FCRLA: variants seen among roughly 807,000 people sequenced by gnomAD.
FCRLA encodes Fc receptor-like A.
FCRLA carries 26 observed loss-of-function variants against 28.4 expected under a neutral mutation model. The ratio of observed to expected loss-of-function variants is 0.91; its 90% confidence interval spans 0.67 to 1.27. The LOEUF (loss-of-function observed/expected upper bound fraction) is 1.27, where lower values mean the gene tolerates loss of function less well. Among genes scored for constraint, FCRLA ranks in the 50% most tolerant of loss-of-function variants. The pLI is 0.00. For synonymous variants in FCRLA, 174 were observed against 168.5 expected (o/e 1.03, Z -0.25); for missense variants, 422 against 433.1 (o/e 0.97, Z 0.23).
At chr1:161,707,882 C>A (rs1682899089) in intron 1 of FCRLA, among the ~76,000 whole-genome samples, 1 of 152,186 alleles carries the variant, frequency 6.6e-6, no homozygotes, top group Admixed American at 6.5e-5. Flanking sequence ...TTCTCTTGAT[C>A]CCTTAATAGC....
Position 161,709,529 on chromosome 1 carries a change from C to T in FCRLA, c.80-1231C>T, listed in dbSNP as rs187571396. 1.1e-4 allele frequency among the ~76,000 whole-genome samples: 16 copies of T among 151,948 alleles called. 1 individual carries two copies. In the South Asian group the frequency reaches 1.5e-3, roughly 14 times the overall value. On this transcript the variant is annotated intron_variant, in intron 1 of 4. Coordinates refer to ENST00000236938, the MANE Select transcript of FCRLA (RefSeq NM_032738.4). ...AGAGGTAGCATTACAGTGAAGGGAG[C>T]GGAGAAAGGATGGAAAGAAAACACC...
At chr1:161,711,621 G>T in intron 3 of FCRLA, 147 bp downstream of exon 3, 1 of 1,044,446 alleles carries the variant, frequency 9.6e-7, no homozygotes, top group Non-Finnish European at 1.4e-6. Flanking sequence ...GGCTTCGAAA[G>T]GGACGAGACC....
At position 161,710,265 on chromosome 1, in the gene FCRLA, G is replaced by T. The variant is rs529521335; in HGVS notation, c.80-495G>T. On this transcript the variant is annotated intron_variant, in intron 1 of 4. Transcript: ENST00000236938. ...TTTTAAGCTTTGGGTATGTTAATTTGGTTTTCTAAGTGTGTTTCTTTAAGA... is the reference window on the plus strand; with the variant it reads ...TTTTAAGCTTTGGGTATGTTAATTTTGTTTTCTAAGTGTGTTTCTTTAAGA... 22 of 590,956 alleles carry T rather than the reference G, an allele frequency of 3.7e-5. No individual in the cohort carries two copies. In the Middle Eastern group the frequency reaches 3.5e-3, roughly 95 times the overall value. 36.6% of individuals were successfully genotyped at this position (590,956 alleles called of 1,614,324 possible).
In FCRLA at chr1:161,713,477, C is replaced by A; in HGVS notation, c.*97C>A. 1 of 986,304 alleles carries A rather than the reference C, an allele frequency of 1.0e-6. No homozygotes were observed. Among genetic ancestry groups the A allele is most frequent in the Middle Eastern group, 2.2e-4 (1 of 4,632 alleles). The allele number at this position is 986,304 out of a possible 1,614,324, so 61.1% of individuals were successfully genotyped here. A position where few individuals can be genotyped will look rare whatever the true frequency, so the allele number is the denominator to read the frequency against. On this transcript the variant is annotated 3_prime_UTR_variant, in exon 5 of 5. Coordinates refer to ENST00000236938, the MANE Select transcript of FCRLA (RefSeq NM_032738.4). ...CTGCACATATGCATAAGTACTTTTA[C>A]AAGTTGTCCCAGTGTTTTGTTAGAA...
At chr1:161,707,679 A>G (rs770570600) in intron 1 of FCRLA, among the ~76,000 whole-genome samples, 14 of 152,208 alleles carry the variant, frequency 9.2e-5, no homozygotes, top group Admixed American at 2.6e-4. Context: ...CAATGCTTGC[A>G]GCCTGGCTTC....
At chr1:161,707,588 TTC>T (rs1682878721) in intron 1 of FCRLA, among the ~76,000 whole-genome samples, 1 of 152,234 alleles carries the variant, frequency 6.6e-6, no homozygotes, top group Non-Finnish European at 1.5e-5. Flanking sequence ...CTCAACTCTT[TTC>T]TTTCACTTGT....
At position 161,713,428 on chromosome 1, in the gene FCRLA, G is replaced by A. The variant is rs1340301616; in HGVS notation, c.*48G>A. ...CTCACTTAACCACCCCAATAAATCT[G>A]ATTCTTTATTTTCTCTTCCTGTCCT... On this transcript the variant is annotated 3_prime_UTR_variant, in exon 5 of 5. Transcript: ENST00000236938. The A allele has an allele frequency of 2.7e-6, 4 of 1,468,528 alleles. No homozygotes were observed. The African/African-American group carries it at 5.6e-5, about 21-fold the overall frequency. 91.0% of individuals were successfully genotyped at this position (1,468,528 alleles called of 1,614,324 possible).
In FCRLA at chr1:161,713,285, C is replaced by T. The variant is rs1243944163; in HGVS notation, c.985C>T (p.Gln329Ter). Residue 329 changes from glutamine (Q) to a stop codon, truncating the protein, a stop_gained, in exon 5 of 5, where the codon CAG (glutamine) becomes TAG (stop). Transcript: ENST00000236938. LOFTEE classifies it low-confidence loss of function (END_TRUNC). The part of the protein sequence containing the change: ...HQMGLLLKHM[Q>*]DVRVLLGHLL... ...GATGGGCCTTCTTCTCAAACACATG[C>T]AGGATGTGAGAGTCCTCCTCGGTCA... is the stretch of plus-strand genomic sequence containing the variant. 6.2e-7 allele frequency: 1 copy of T among 1,614,214 alleles called. No homozygotes were observed. Among genetic ancestry groups the T allele is most frequent in the Non-Finnish European group, 8.5e-7 (1 of 1,180,028 alleles).
chr1:161,710,899 G>T lies in FCRLA; in HGVS notation c.219G>T (p.Leu73=), dbSNP rs1683066651. The change falls in exon 2 of 5, where the codon CTG becomes CTT. Residue 73 remains leucine, a synonymous_variant. Coordinates refer to ENST00000236938, the MANE Select transcript of FCRLA (RefSeq NM_032738.4). ...ACACTTTCAGTGAACCCTTCCACCT[G>T]ATTGTGTCCTATGGTGAGGTCCTGG... The part of the protein sequence containing the change: ...KAYTFSEPFH[L]IVSYDWLILQ... 2.5e-6 allele frequency: 4 copies of T among 1,612,960 alleles called. No individual in the cohort carries two copies. Among genetic ancestry groups the T allele is most frequent in the Non-Finnish European group, 8.5e-7 (1 of 1,180,008 alleles).
chr1:161,707,609 T>C (rs925260281), intron 1 of FCRLA, among the ~76,000 whole-genome samples: 1 of 152,216 alleles, frequency 6.6e-6, no homozygotes, highest in Admixed American at 6.5e-5. Flanking sequence ...GTGAGACAAG[T>C]TTTCTTAAAA....
rs575335846 is a variant in FCRLA, at chr1:161,711,947, G to T, written c.513G>T (p.Ala171=). The part of the protein sequence containing the change: ...VAITVQELFP[A]PILRAVPSAE... ...TCTTTTTCCCAGAACTGTTTCCAGC[G>T]CCAATTCTCAGAGCTGTACCCTCAG... Residue 171 remains alanine, a synonymous_variant, in exon 4 of 5, where the codon GCG becomes GCT. Transcript: ENST00000236938. The T allele has an allele frequency of 3.1e-6, 5 of 1,609,556 alleles. No individual in the cohort carries two copies. The highest frequency in any genetic ancestry group is 1.3e-5 in the African/African-American group (1 of 74,598).
At chr1:161,710,723 T>C in intron 1 of FCRLA, 37 bp from the exon 2 acceptor site, 1 of 1,613,842 alleles carries the variant, frequency 6.2e-7, no homozygotes, top group Non-Finnish European at 8.5e-7. Context: ...AGTTGCATCA[T>C]CATTTTCTGG....
At chr1:161,707,630 C>T (rs114323580) in intron 1 of FCRLA, among the ~76,000 whole-genome samples, 216 of 152,324 alleles carry the variant, frequency 1.4e-3, no homozygotes, top group African/African-American at 4.9e-3. Context: ...GAATAGTTTG[C>T]ACTTGCTATC....
rs574716587 is a variant in FCRLA at position 161,708,399 on chromosome 1, T to C, written c.79+1056T>C. ...TCTTAGGACAAGCCCTCATCCTCTA[T>C]GACTTGGGCTATTCCAGTAAATTCC... On this transcript the variant is annotated intron_variant, in intron 1 of 4. Transcript: ENST00000236938. Among the ~76,000 whole-genome samples the C allele has an allele frequency of 7.9e-5, 12 of 152,360 alleles. 1 individual carries two copies. The South Asian group carries it at 2.5e-3, about 32-fold the overall frequency.
chr1:161,712,317 C>A, intron 4 of FCRLA, 99 bp downstream of exon 4: 1 of 1,430,674 alleles, frequency 7.0e-7, no homozygotes, highest in Non-Finnish European at 9.5e-7. Context: ...TCAGTGTGAG[C>A]AGGTTAAGAA....
rs1047344620 is a variant in FCRLA, at chr1:161,713,146, A to C, written c.846A>C (p.Pro282=). The change falls in exon 5 of 5, where the codon CCA becomes CCC. Residue 282 remains proline (P), a synonymous_variant. Coordinates refer to ENST00000236938, the MANE Select transcript of FCRLA (RefSeq NM_032738.4). ...LNPAPQKSAA[P]GTAPEEAPGP... ...CAGCTCCTCAGAAATCAGCTGCTCC[A>C]GGAACTGCTCCTGAGGAGGCCCCTG... 2.5e-6 allele frequency: 4 copies of C among 1,614,112 alleles called. No homozygotes were observed. The African/African-American group carries it at 5.3e-5, about 22-fold the overall frequency.
At chr1:161,711,102 G>A in intron 2 of FCRLA, 106 bp from the exon 3 acceptor site, 2 of 1,492,046 alleles carry the variant, frequency 1.3e-6, no homozygotes, top group Non-Finnish European at 1.8e-6. Context: ...AACCAGGGGT[G>A]AGAGTTTACC....
In FCRLA at chr1:161,713,121, C is replaced by T. The variant is rs1233441071; in HGVS notation, c.821C>T (p.Pro274Leu). Residue 274 changes from proline (P) to leucine (L), a missense_variant, in exon 5 of 5, where the codon CCA becomes CTA. Pro to Leu is a moderately conservative substitution (Grantham distance 98). This residue lies in a region of FCRLA where 185 missense variants were observed against 198.1 expected (regional missense o/e 0.93). Transcript: ENST00000236938. ...TCTGCTGCACCTCCCACATTGAATCCAGCTCCTCAGAAATCAGCTGCTCCA... is the reference window on the plus strand; with the variant it reads ...TCTGCTGCACCTCCCACATTGAATCTAGCTCCTCAGAAATCAGCTGCTCCA... ...SSSAAPPTLN[P>L]APQKSAAPGT... 5.0e-6 allele frequency: 8 copies of T among 1,613,848 alleles called. No individual in the cohort carries two copies. The South Asian group carries it at 8.8e-5, about 18-fold the overall frequency.
Position 161,710,557 on chromosome 1 carries a change from G to A in FCRLA, c.80-203G>A, listed in dbSNP as rs1485177890. ...CTCCAAACCACAGTGCATTTGCTGA[G>A]AGCACCTGGACGCCAGTGAATCAAG... On this transcript the variant is annotated intron_variant, in intron 1 of 4. Transcript: ENST00000236938. 5 of 1,517,364 alleles carry A rather than the reference G, an allele frequency of 3.3e-6. No individual in the cohort carries two copies. The East Asian group carries it at 1.2e-4, about 37-fold the overall frequency. 94.0% of individuals were successfully genotyped at this position (1,517,364 alleles called of 1,614,324 possible).
Sources: allele counts gnomAD v4.1 joint callset (sites outside exome capture counted in the v4.1 genomes callset), GRCh38; gene constraint gnomAD v4.1.1; regional missense constraint gnomAD v4.1.1; transcripts MANE v1.5; gene names NCBI Gene and HGNC (gene_info 2026-07-23, HGNC 2026-07-21).